Variants in BBOX1 observed in about 807,000 individuals in gnomAD.
BBOX1 encodes gamma-butyrobetaine dioxygenase.
A neutral mutation model predicts 41.6 loss-of-function variants in BBOX1; 35 were observed. That is an observed-to-expected ratio of 0.84 (90% CI 0.64 to 1.11). BBOX1 has a LOEUF of 1.11. Ranked by LOEUF, BBOX1 falls within the 50% of genes most tolerant of loss-of-function variation. The pLI is 0.00. For missense variants in BBOX1, 458 were observed against 460.6 expected, an observed-to-expected ratio of 0.99 and a Z score of 0.05; for synonymous variants, 163 against 154.7, an observed-to-expected ratio of 1.05 and a Z score of -0.40.
chr11:27,123,724 TAC>T, intron 7 of BBOX1, among the ~76,000 whole-genome samples: 1 of 151,862 alleles, frequency 6.6e-6, no homozygotes, highest in African/African-American at 2.4e-5. Flanking sequence ...ATCCTAGAGG[TAC>T]ACAGTCTTTT....
At chr11:27,070,253 T>C (rs1313499819) in intron 4 of BBOX1, among the ~76,000 whole-genome samples, 1 of 152,168 alleles carries the variant, frequency 6.6e-6, no homozygotes, top group African/African-American at 2.4e-5. Context: ...TTGGGTAGAA[T>C]GTTCTATAAA....
intron 4 of BBOX1, among the ~76,000 whole-genome samples, chr11:27,090,617 G>A (rs1183367204): frequency 6.6e-6 from 1 of 151,892 alleles, no homozygotes; most frequent in African/African-American, 2.4e-5. Flanking sequence ...TGCACGTATT[G>A]TCTGGATAAA....
chr11:27,119,655 C>G lies in BBOX1; in HGVS notation c.646C>G (p.Leu216Val). Residue 216 changes from leucine (L) to valine (V), a missense_variant, in exon 7 of 9, where the codon CTT becomes GTT. Transcript: ENST00000263182. ...PALHHPPGVQ[L>V]LHCIKQTVTG... Reference sequence around the variant, plus strand: ...GCATATTTTCTTTTTATAGGTTCAGCTTCTTCACTGCATAAAGCAAACAGT... The same window carrying G: ...GCATATTTTCTTTTTATAGGTTCAGGTTCTTCACTGCATAAAGCAAACAGT... The G allele has an allele frequency of 1.4e-6, 2 of 1,440,474 alleles. No homozygotes were observed. Among genetic ancestry groups the G allele is most frequent in the South Asian group, 1.8e-5 (1 of 54,518 alleles). 89.2% of individuals were successfully genotyped at this position (1,440,474 alleles called of 1,614,324 possible).
intron 4 of BBOX1, among the ~76,000 whole-genome samples, chr11:27,061,384 A>G (rs564175281): frequency 6.6e-6 from 1 of 152,340 alleles, no homozygotes; most frequent in African/African-American, 2.4e-5. Context: ...AAATATTTTA[A>G]TAGTTTAAAA....
chr11:27,114,757 C>G (rs76417737), intron 5 of BBOX1, among the ~76,000 whole-genome samples: 2 of 151,666 alleles, frequency 1.3e-5, no homozygotes, highest in East Asian at 1.9e-4. Context: ...TCAAAATGAA[C>G]AAATTATCTA....
intron 5 of BBOX1, among the ~76,000 whole-genome samples, chr11:27,114,712 T>C (rs760316136): frequency 1.4e-4 from 17 of 121,962 alleles, no homozygotes; most frequent in Non-Finnish European, 2.1e-4. Flanking sequence ...AGAATTAAAT[T>C]GGACCCACAA....
chr11:27,077,449 A>C (rs1484616310), intron 4 of BBOX1, among the ~76,000 whole-genome samples: 3 of 152,090 alleles, frequency 2.0e-5, no homozygotes, highest in African/African-American at 7.2e-5. Context: ...GCTTACAGTG[A>C]AGACTACAGC....
Position 27,094,990 on chromosome 11 carries a change from T to C in BBOX1, c.533+1624T>C, listed in dbSNP as rs1015499764. On this transcript the variant is annotated intron_variant, in intron 5 of 8. Transcript: ENST00000263182. ...TAATTGTCACAACAACTTTCTGAAA[T>C]AAATATTATCCTTCAGTTCACTGAT... Among the ~76,000 whole-genome samples the C allele has an allele frequency of 3.9e-5, 6 of 151,928 alleles. No homozygotes were observed. The East Asian group carries it at 9.7e-4, about 25-fold the overall frequency.
chr11:27,070,961 G>C (rs1857426823), intron 4 of BBOX1, among the ~76,000 whole-genome samples: 1 of 152,098 alleles, frequency 6.6e-6, no homozygotes, highest in Non-Finnish European at 1.5e-5. Flanking sequence ...TGCAGGGCTT[G>C]TCTAGTAGTA....
chr11:27,063,488 C>T (rs1013507916), intron 4 of BBOX1, among the ~76,000 whole-genome samples: 2 of 151,938 alleles, frequency 1.3e-5, no homozygotes, highest in Non-Finnish European at 2.9e-5. Context: ...GCTTGATTAT[C>T]TCTCTGAATT....
intron 2 of BBOX1, among the ~76,000 whole-genome samples, chr11:27,049,760 G>A (rs1052046795): frequency 1.3e-5 from 2 of 151,978 alleles, no homozygotes; most frequent in African/African-American, 2.4e-5. Context: ...AAACATAGAT[G>A]GCCCTCAGAT....
chr11:27,113,679 G>A lies in BBOX1; in HGVS notation c.534-1773G>A, dbSNP rs531002261. On this transcript the variant is annotated intron_variant, in intron 5 of 8. Coordinates refer to ENST00000263182, the MANE Select transcript of BBOX1 (RefSeq NM_003986.3). ...AGGGTGGAGGTTGGGAAGACGGTGAGGATCAAGAAAATCACCTACTGGCTA... is the reference window on the plus strand; with the variant it reads ...AGGGTGGAGGTTGGGAAGACGGTGAAGATCAAGAAAATCACCTACTGGCTA... Among the ~76,000 whole-genome samples the A allele has an allele frequency of 5.9e-5, 9 of 151,710 alleles. No homozygotes were observed. The South Asian group carries it at 1.9e-3, about 31-fold the overall frequency.
At chr11:27,120,712 T>A (rs1241970421) in intron 7 of BBOX1, among the ~76,000 whole-genome samples, 1 of 152,142 alleles carries the variant, frequency 6.6e-6, no homozygotes, top group African/African-American at 2.4e-5. Flanking sequence ...TCGATTAATT[T>A]TGGTAGGGGG....
In BBOX1 at chr11:27,066,431, C is replaced by CTA. The variant is rs1857281669; in HGVS notation, c.334+9122_334+9123dup. The CTA allele has an allele frequency of 5.3e-5, 8 of 152,208 alleles. 1 individual carries two copies. In the South Asian group the frequency reaches 1.7e-3, roughly 32 times the overall value. The allele number at this position is 152,208 out of a possible 1,614,324, so 9.4% of individuals were successfully genotyped here. A position where few individuals can be genotyped will look rare whatever the true frequency, so the allele number is the denominator to read the frequency against. On this transcript the variant is annotated intron_variant, in intron 4 of 8. Coordinates refer to ENST00000263182, the MANE Select transcript of BBOX1 (RefSeq NM_003986.3). Reference sequence around the variant, plus strand: ...TTTGTCCTGCCAATTTTGCTAGTGCCTATATATCAGCAGATTCGCCAGACA... The same window carrying CTA: ...TTTGTCCTGCCAATTTTGCTAGTGCCTATATATATCAGCAGATTCGCCAGACA...
intron 4 of BBOX1, among the ~76,000 whole-genome samples, chr11:27,059,012 C>T (rs553405403): frequency 1.3e-5 from 2 of 152,314 alleles, no homozygotes; most frequent in East Asian, 1.9e-4. Context: ...GCCAAGACAA[C>T]AAGAAAAAGC....
intron 4 of BBOX1, among the ~76,000 whole-genome samples, chr11:27,076,086 G>T (rs566475197): frequency 1.3e-5 from 2 of 152,130 alleles, no homozygotes; most frequent in South Asian, 4.1e-4. Context: ...TTCACTCTCC[G>T]CCTAGGAGTA....
At chr11:27,043,956 C>T (rs908028697) in intron 2 of BBOX1, among the ~76,000 whole-genome samples, 5 of 152,088 alleles carry the variant, frequency 3.3e-5, no homozygotes, top group Admixed American at 6.6e-5. Flanking sequence ...TGGGTGTATA[C>T]GCAGTAATGG....
chr11:27,075,912 G>A (rs1027427699), intron 4 of BBOX1, among the ~76,000 whole-genome samples: 7 of 152,190 alleles, frequency 4.6e-5, no homozygotes, highest in African/African-American at 1.7e-4. Flanking sequence ...GTGAGCACAA[G>A]GGCTGCCTGA....
intron 2 of BBOX1, among the ~76,000 whole-genome samples, chr11:27,050,434 C>T (rs955023826): frequency 1.3e-5 from 2 of 152,070 alleles, no homozygotes; most frequent in Non-Finnish European, 2.9e-5. Context: ...CTGTAGATGA[C>T]TTTGGTAGTA....
Sources: gnomAD v4.1 joint callset for allele counts (sites outside exome capture counted in the v4.1 genomes callset) on GRCh38, gnomAD v4.1.1 for gene constraint, MANE v1.5 for transcripts, NCBI Gene and HGNC (gene_info 2026-07-23, HGNC 2026-07-21) for gene names.